The following KIF13B variants were observed in gnomAD, a reference collection of about 807,000 sequenced individuals.
KIF13B encodes kinesin family member 13B.
A neutral mutation model predicts 222.0 loss-of-function variants in KIF13B; 127 were observed. That is an observed-to-expected ratio of 0.57 (90% CI 0.50 to 0.66). The LOEUF is 0.66. KIF13B is among the 30% of genes least tolerant of loss of function. The pLI, the probability that KIF13B is intolerant of heterozygous loss-of-function variation, is 0.00. For missense variants in KIF13B, 2,173 were observed against 2,379.0 expected (o/e 0.91, Z 1.80); for synonymous variants, 976 against 919.0 (o/e 1.06, Z -1.12).
At chr8:29,172,768 A>T (rs1474900897) in intron 10 of KIF13B, among the ~76,000 whole-genome samples, 2 of 152,202 alleles carry the variant, frequency 1.3e-5, no homozygotes. Context: ...GAAGGAAAGG[A>T]GACGATACCC....
chr8:29,124,347 G>C (rs1263483208), intron 26 of KIF13B, among the ~76,000 whole-genome samples: 2 of 152,184 alleles, frequency 1.3e-5, no homozygotes, highest in Non-Finnish European at 2.9e-5. Context: ...CAGGTATCCA[G>C]AACCAGTTTT....
At chr8:29,155,879 G>A in intron 13 of KIF13B, 23 bp from the exon 14 acceptor site, 1 of 1,511,498 alleles carries the variant, frequency 6.6e-7, no homozygotes, top group Non-Finnish European at 9.0e-7. Flanking sequence ...CAAATTCACT[G>A]ATTAATACTG....
rs543741374 is a variant in KIF13B at position 29,133,434 on chromosome 8, CA to C, written c.2784+605del. Among the ~76,000 whole-genome samples the C allele has an allele frequency of 2.9e-3, 439 of 152,070 alleles. 1 individual carries two copies. The highest frequency in any genetic ancestry group is 5.8e-3 in the South Asian group (28 of 4,812). ...TGAAACCTTGTCTCTACTAAAAATA[CA>C]AAAAAATTAGCTGCGCATGGTGGCA... On this transcript the variant is annotated intron_variant, in intron 22 of 39. Transcript: ENST00000524189.
chr8:29,113,665 G>A, intron 31 of KIF13B, 110 bp from the exon 32 acceptor site: 1 of 716,474 alleles, frequency 1.4e-6, no homozygotes, highest in Non-Finnish European at 2.4e-6. Context: ...AGAAAACAGA[G>A]CAGGTTTCCA....
intron 2 of KIF13B, among the ~76,000 whole-genome samples, chr8:29,202,427 T>C (rs201680980): frequency 1.1e-4 from 16 of 152,088 alleles, no homozygotes; most frequent in Admixed American, 9.8e-4. Flanking sequence ...AAGCGATTCT[T>C]CTGCCTCAGC....
intron 2 of KIF13B, among the ~76,000 whole-genome samples, chr8:29,228,844 C>T (rs1815157522): frequency 6.6e-6 from 1 of 151,986 alleles, no homozygotes; most frequent in African/African-American, 2.4e-5. Flanking sequence ...TAACTCTAAA[C>T]ATAGAAGGTT....
rs539866497 is a variant in KIF13B, at chr8:29,071,289, A to C, written c.5218+331T>G. Among the ~76,000 whole-genome samples, 1 of 152,178 alleles carries C rather than the reference A, an allele frequency of 6.6e-6. No homozygotes were observed. Among genetic ancestry groups the C allele is most frequent in the Non-Finnish European group, 1.5e-5 (1 of 67,982 alleles). ...AGCCTCCTGGAACGGCAAAGGGGAG[A>C]TGCTCTAAGGTGAAGGATGAGAAAG... On this transcript the variant is annotated intron_variant, in intron 39 of 39. Coordinates refer to ENST00000524189, the MANE Select transcript of KIF13B (RefSeq NM_015254.4). This position sits in a 1 kb window ranked among gnomAD's most constrained non-coding sequence, Gnocchi z 4.9.
chr8:29,119,073 A>G, intron 29 of KIF13B, 81 bp from the exon 30 acceptor site: 2 of 1,387,468 alleles, frequency 1.4e-6, no homozygotes, highest in South Asian at 1.3e-5. Context: ...TGTGATTATT[A>G]CAATTCTTCT....
At chr8:29,247,027 G>A (rs1304301743) in intron 1 of KIF13B, among the ~76,000 whole-genome samples, 1 of 152,144 alleles carries the variant, frequency 6.6e-6, no homozygotes, top group African/African-American at 2.4e-5. Flanking sequence ...CATGGCTTTG[G>A]ATTAGGTAAT....
intron 22 of KIF13B, 91 bp downstream of exon 22, chr8:29,133,949 G>C (rs572903476): frequency 1.6e-6 from 2 of 1,241,014 alleles, no homozygotes; most frequent in Non-Finnish European, 1.1e-6. Context: ...GACATATAAC[G>C]GCACATTTAG....
chr8:29,206,967 C>T lies in KIF13B; in HGVS notation c.150-10768G>A, dbSNP rs569326323. Reference sequence around the variant, plus strand: ...GGGCCATGTGGCTGATGGGGCACAACGCCACCCTGCTTCATGCCCTCCTGG... The same window carrying T: ...GGGCCATGTGGCTGATGGGGCACAATGCCACCCTGCTTCATGCCCTCCTGG... On this transcript the variant is annotated intron_variant, in intron 2 of 39. Coordinates refer to ENST00000524189, the MANE Select transcript of KIF13B (RefSeq NM_015254.4). 3.9e-5 allele frequency among the ~76,000 whole-genome samples: 6 copies of T among 152,188 alleles called. No homozygotes were observed. In the South Asian group the frequency reaches 1.0e-3, roughly 26 times the overall value.
At chr8:29,164,955 C>CT (rs943241977) in intron 12 of KIF13B, among the ~76,000 whole-genome samples, 11 of 151,988 alleles carry the variant, frequency 7.2e-5, no homozygotes, top group African/African-American at 2.7e-4. Context: ...TCAAGCGATT[C>CT]TTGTGCCTCA....
chr8:29,089,254 G>A (rs572603608), intron 37 of KIF13B, among the ~76,000 whole-genome samples: 35 of 152,130 alleles, frequency 2.3e-4, no homozygotes, highest in African/African-American at 8.2e-4. Flanking sequence ...GCAACACAGC[G>A]AGACTCTGTC....
chr8:29,089,142 A>G (rs578223219), intron 37 of KIF13B, among the ~76,000 whole-genome samples: 2 of 152,296 alleles, frequency 1.3e-5, no homozygotes, highest in Admixed American at 6.5e-5. Context: ...GGGACCCACA[A>G]TCTAATATTA....
chr8:29,172,152 C>T (rs528514667), intron 10 of KIF13B, among the ~76,000 whole-genome samples: 1 of 147,496 alleles, frequency 6.8e-6, no homozygotes, highest in Non-Finnish European at 1.5e-5. Flanking sequence ...GTGATCTCGG[C>T]TCACTGCAAG....
At chr8:29,190,655 G>A (rs1483494930) in intron 4 of KIF13B, 1 of 224,416 alleles carries the variant, frequency 4.5e-6, no homozygotes, top group Middle Eastern at 1.6e-3. Flanking sequence ...TTGGAAGCCA[G>A]TAGGTCAGAA....
chr8:29,182,977 A>G (rs114726247), intron 6 of KIF13B, among the ~76,000 whole-genome samples: 144 of 152,156 alleles, frequency 9.5e-4, no homozygotes, highest in African/African-American at 3.2e-3. Context: ...AACACACTGT[A>G]CTCCATAAAC....
chr8:29,227,021 T>C (rs930997752), intron 2 of KIF13B, among the ~76,000 whole-genome samples: 4 of 152,216 alleles, frequency 2.6e-5, no homozygotes, highest in African/African-American at 7.2e-5. Flanking sequence ...GCAAAGTACT[T>C]TGAAATAGCT....
intron 35 of KIF13B, among the ~76,000 whole-genome samples, chr8:29,100,248 C>T (rs1410402443): frequency 6.6e-6 from 1 of 152,096 alleles, no homozygotes; most frequent in African/African-American, 2.4e-5. Flanking sequence ...ATAGTGATAC[C>T]ATCAAAGCAC....
Sources: gnomAD v4.1 joint callset for allele counts (sites outside exome capture counted in the v4.1 genomes callset) on GRCh38, gnomAD v4.1.1 for gene constraint, Gnocchi (gnomAD v3.1) non-coding constraint, MANE v1.5 for transcripts, NCBI Gene and HGNC (gene_info 2026-07-23, HGNC 2026-07-21) for gene names.